Variants in ACAP3 observed in about 807,000 individuals in gnomAD.
ACAP3 encodes the protein ArfGAP with coiled-coil, ankyrin repeat and PH domains 3, also known as arf-GAP with coiled-coil, ANK repeat and PH domain-containing protein 3.
A neutral mutation model predicts 104.1 loss-of-function variants in ACAP3; 56 were observed. That is an observed-to-expected ratio of 0.54 (90% CI 0.43 to 0.67). The LOEUF (loss-of-function observed/expected upper bound fraction) is 0.67. ACAP3 is among the 30% of genes least tolerant of loss of function. The pLI is 0.00. For missense variants in ACAP3, 1,208 were observed against 1,174.9 expected, an observed-to-expected ratio of 1.03 and a Z score of -0.41; for synonymous variants, 628 against 496.2, an observed-to-expected ratio of 1.27 and a Z score of -3.53.
At chr1:1,305,163 CCCCAGCCAGGGACCTTGAAGGGT>C (rs1557611584) in intron 1 of ACAP3, 1 of 152,388 alleles carries the variant, frequency 6.6e-6, no homozygotes, top group Non-Finnish European at 1.5e-5. Flanking sequence ...CACCAGGCTG[CCCCAGCCAGGGACCTTGAAGGGT>C]CCCAGCCACC....
chr1:1,306,217 C>G (rs550076673), intron 1 of ACAP3, among the ~76,000 whole-genome samples: 1 of 152,114 alleles, frequency 6.6e-6, no homozygotes, highest in African/African-American at 2.4e-5. Context: ...CCATGAGAGC[C>G]GGTTACCAGA....
At chr1:1,307,207 T>A in intron 1 of ACAP3, 1 of 1,287,274 alleles carries the variant, frequency 7.8e-7, no homozygotes. Context: ...CCACGAATGA[T>A]GGAAAACATG....
chr1:1,295,043 G>A (rs1333536460), intron 19 of ACAP3: 1 of 573,474 alleles, frequency 1.7e-6, no homozygotes, highest in Non-Finnish European at 3.1e-6. Context: ...CAGGCCTTTT[G>A]GGAAGCCCTT....
At position 1,297,752 on chromosome 1, in the gene ACAP3, C is replaced by T. The variant is rs188547671; in HGVS notation, c.1128+70G>A. On this transcript the variant is annotated intron_variant, in intron 14 of 23. Coordinates refer to ENST00000354700, the MANE Select transcript of ACAP3 (RefSeq NM_030649.3). ...TGGCACGTGTGTGTGTGCACAGGCGCGGGGCAGGGGCCATCCCCGGTGGCA... is the reference window on the plus strand; with the variant it reads ...TGGCACGTGTGTGTGTGCACAGGCGTGGGGCAGGGGCCATCCCCGGTGGCA... 1.4e-4 allele frequency: 178 copies of T among 1,275,702 alleles called. 18 individuals carry two copies. Among genetic ancestry groups the T allele is most frequent in the East Asian group, 9.9e-4 (28 of 28,368 alleles). 79.0% of individuals were successfully genotyped at this position (1,275,702 alleles called of 1,614,324 possible).
chr1:1,303,877 G>A lies in ACAP3; in HGVS notation c.105+209C>T. On this transcript the variant is annotated intron_variant, in intron 2 of 23. Coordinates refer to ENST00000354700, the MANE Select transcript of ACAP3 (RefSeq NM_030649.3). This position sits in a 1 kb window ranked among gnomAD's most constrained non-coding sequence, Gnocchi z 4.0. The stretch of plus-strand genomic sequence containing the variant: ...CCACAGCCCAGCCCCTCCCAGATGG[G>A]ACGAGACTCAGGGCCAGCCACATGT... 1.5e-6 allele frequency: 1 copy of A among 650,666 alleles called. No individual in the cohort carries two copies. Among genetic ancestry groups the A allele is most frequent in the Non-Finnish European group, 2.6e-6 (1 of 378,918 alleles). The allele number at this position is 650,666 out of a possible 1,614,324, so 40.3% of individuals were successfully genotyped here. A position where few individuals can be genotyped will look rare whatever the true frequency, so the allele number is the denominator to read the frequency against.
In ACAP3 at chr1:1,296,639, G is replaced by A. The variant is rs1350227762; in HGVS notation, c.1129-6C>T. 2.0e-6 allele frequency: 3 copies of A among 1,533,450 alleles called. No individual in the cohort carries two copies. Among genetic ancestry groups the A allele is most frequent in the African/African-American group, 1.4e-5 (1 of 72,904 alleles). 95.0% of individuals were successfully genotyped at this position (1,533,450 alleles called of 1,614,324 possible). A position where few individuals can be genotyped will look rare whatever the true frequency, so the allele number is the denominator to read the frequency against. On this transcript the variant is annotated splice_region_variant and splice_polypyrimidine_tract_variant and intron_variant, in intron 14 of 23. Transcript: ENST00000354700. ...GATGCTGTGCGGTCCAGCCTCTGGA[G>A]GATGGGGTGGAGCTGCTCGGTCCCG...
At chr1:1,301,935 A>C in intron 5 of ACAP3, 53 bp downstream of exon 5, 1 of 1,470,758 alleles carries the variant, frequency 6.8e-7, no homozygotes. Flanking sequence ...CTTCCCCTCC[A>C]AGGGAGGGAG....
At position 1,293,648 on chromosome 1, in the gene ACAP3, CG is replaced by C; in HGVS notation, c.2420del (p.Pro807ArgfsTer88). On this transcript the variant is annotated frameshift_variant, in exon 24 of 24. Transcript: ENST00000354700. LOFTEE classifies it high-confidence loss of function. ...CCGTGGGGCTGCCCGCCAGGGCGCC[CG>C]GGGGACCAGGGGCAGCCTCGGCCTC... ...MREAEAAPGP[P>X]GALAGSPTEL... 1.4e-6 allele frequency: 2 copies of C among 1,477,928 alleles called. No homozygotes were observed. The highest frequency in any genetic ancestry group is 1.8e-6 in the Non-Finnish European group (2 of 1,122,890). The allele number at this position is 1,477,928 out of a possible 1,614,324, so 91.6% of individuals were successfully genotyped here. A position where few individuals can be genotyped will look rare whatever the true frequency, so the allele number is the denominator to read the frequency against.
chr1:1,296,147 C>G (rs756395788), intron 16 of ACAP3, 38 bp from the exon 17 acceptor site: 3 of 1,610,682 alleles, frequency 1.9e-6, no homozygotes, highest in East Asian at 2.2e-5. Flanking sequence ...CAGTGCGAAC[C>G]TGCAGACCCC....
At position 1,294,786 on chromosome 1, in the gene ACAP3, C is replaced by T; in HGVS notation, c.1844G>A (p.Ser615Asn). 6.5e-7 allele frequency: 1 copy of T among 1,549,956 alleles called. No homozygotes were observed. The change falls in exon 20 of 24, where the codon AGC becomes AAC. Residue 615 changes from serine to asparagine, a missense_variant. Transcript: ENST00000354700. ...SLSSDSGLGGSSDGSSDVLAF... is the reference protein window; with the variant it reads ...SLSSDSGLGGNSDGSSDVLAF... ...CAGGACGTCCGAGCTGCCATCCGAG[C>T]TGCCCCCAAGGCCACTGTCGCTACT...
In ACAP3 at chr1:1,303,986, T is replaced by G; in HGVS notation, c.105+100A>C. 1 of 1,390,414 alleles carries G rather than the reference T, an allele frequency of 7.2e-7. No individual in the cohort carries two copies. The highest frequency in any genetic ancestry group is 9.9e-7 in the Non-Finnish European group (1 of 1,010,250). 86.1% of individuals were successfully genotyped at this position (1,390,414 alleles called of 1,614,324 possible). A position where few individuals can be genotyped will look rare whatever the true frequency, so the allele number is the denominator to read the frequency against. On this transcript the variant is annotated intron_variant, in intron 2 of 23. Coordinates refer to ENST00000354700, the MANE Select transcript of ACAP3 (RefSeq NM_030649.3). The surrounding 1 kb of genome is among the most constrained non-coding windows in gnomAD (Gnocchi z 4.0). ...GAGCACCACACGCATGCTCCACATA[T>G]GGGGGGTGTAAGTGGCTTAGTAAGG...
In ACAP3 at chr1:1,295,053, T is replaced by C. The variant is rs1201648020; in HGVS notation, c.1814-237A>G. 5 of 564,786 alleles carry C rather than the reference T, an allele frequency of 8.9e-6. No homozygotes were observed. The African/African-American group carries it at 9.5e-5, about 11-fold the overall frequency. 35.0% of individuals were successfully genotyped at this position (564,786 alleles called of 1,614,324 possible). On this transcript the variant is annotated intron_variant, in intron 19 of 23. Transcript: ENST00000354700. ...AAGCCCAGGCCTTTTGGGAAGCCCT[T>C]CCCTCCCGCTCGCCGCCTTACCCGG...
chr1:1,300,484 C>A (rs936461380), intron 6 of ACAP3, 25 bp downstream of exon 6: 1 of 1,589,588 alleles, frequency 6.3e-7, no homozygotes. Flanking sequence ...TGGTCCCCGC[C>A]CCCCAGCCCA....
intron 14 of ACAP3, 86 bp downstream of exon 14, chr1:1,297,732 CGTGT>C (rs371673082): frequency 7.9e-6 from 9 of 1,140,204 alleles, no homozygotes; most frequent in East Asian, 3.0e-5. Flanking sequence ...CCCGGTGGCA[CGTGT>C]GTGTGTGCAC....
intron 1 of ACAP3, chr1:1,307,452 C>G: frequency 4.6e-6 from 6 of 1,295,568 alleles, no homozygotes; most frequent in Non-Finnish European, 6.0e-6. Flanking sequence ...CTGGCCAGAG[C>G]TGGACTGCAG....
Position 1,303,033 on chromosome 1 carries a change from G to C in ACAP3, c.226-58C>G. 6.4e-7 allele frequency: 1 copy of C among 1,572,758 alleles called. No individual in the cohort carries two copies. On this transcript the variant is annotated intron_variant, in intron 3 of 23. Transcript: ENST00000354700. This position sits in a 1 kb window ranked among gnomAD's most constrained non-coding sequence, Gnocchi z 4.0. Reference sequence around the variant, plus strand: ...GGCAAATCCGGGCCCAGGTCACCCAGCCACGCCCTCTGAGCCCCTGGGCGG... The same window carrying C: ...GGCAAATCCGGGCCCAGGTCACCCACCCACGCCCTCTGAGCCCCTGGGCGG...
At chr1:1,294,032 G>T in intron 22 of ACAP3, 58 bp downstream of exon 22, 1 of 1,492,720 alleles carries the variant, frequency 6.7e-7, no homozygotes, top group East Asian at 2.6e-5. Context: ...ACAGGGCGTA[G>T]CCGGGCCGGG....
intron 10 of ACAP3, 199 bp from the exon 11 acceptor site, chr1:1,298,878 G>T (rs879906870): frequency 3.4e-6 from 2 of 590,800 alleles, no homozygotes; most frequent in Admixed American, 3.2e-5. Flanking sequence ...TGCAACCCGT[G>T]GGGCAGACCC....
At chr1:1,307,332 C>G (rs1401811198) in intron 1 of ACAP3, 2 of 1,289,662 alleles carry the variant, frequency 1.6e-6, no homozygotes, top group Admixed American at 2.3e-5. Flanking sequence ...TTCCAAGCAC[C>G]CTACCCCAGG....
Sources: gnomAD v4.1 joint callset for allele counts (sites outside exome capture counted in the v4.1 genomes callset) on GRCh38, gnomAD v4.1.1 for gene constraint, Gnocchi (gnomAD v3.1) non-coding constraint, MANE v1.5 for transcripts, NCBI Gene and HGNC (gene_info 2026-07-23, HGNC 2026-07-21) for gene names.